MCHR1: variants seen among roughly 807,000 people sequenced by gnomAD.
MCHR1 encodes melanin concentrating hormone receptor 1.
In MCHR1, 13 loss-of-function variants were observed where a neutral mutation model predicts 20.4. The ratio of observed to expected loss-of-function variants is 0.64; its 90% CI spans 0.41 to 1.01. MCHR1 has a LOEUF of 1.01. Among genes scored for constraint, MCHR1 ranks in the 50% least tolerant of loss-of-function variants. The pLI is 0.00. For synonymous variants in MCHR1, 215 were observed against 204.4 expected, an observed-to-expected ratio of 1.05 and a Z score of -0.44; for missense variants, 472 against 477.0, an observed-to-expected ratio of 0.99 and a Z score of 0.10.
chr22:40,682,040 T>C lies in MCHR1; in HGVS notation c.*112T>C, dbSNP rs963914401. The C allele has an allele frequency of 3.6e-6, 5 of 1,377,648 alleles. No homozygotes were observed. The Admixed American group carries it at 7.7e-5, about 21-fold the overall frequency. 85.3% of individuals were successfully genotyped at this position (1,377,648 alleles called of 1,614,324 possible). A position where few individuals can be genotyped will look rare whatever the true frequency, so the allele number is the denominator to read the frequency against. ...CGGGAAATGCAGGAAGGCCGGGTTG[T>C]GAGGGGTTGTTGCAATGAAATAAAT... On this transcript the variant is annotated 3_prime_UTR_variant, in exon 2 of 2. Transcript: ENST00000249016.
Position 40,681,898 on chromosome 22 carries a change from C to G in MCHR1, c.1032C>G (p.Asp344Glu). 6.2e-7 allele frequency: 1 copy of G among 1,611,200 alleles called. No individual in the cohort carries two copies. The highest frequency in any genetic ancestry group is 8.5e-7 in the Non-Finnish European group (1 of 1,180,022). The part of the protein sequence containing the change: ...LRAVSNAQTA[D>E]EERTESKGT ...CTGTCAGCAACGCTCAGACGGCTGA[C>G]GAGGAGAGGACAGAAAGCAAAGGCA... The change falls in exon 2 of 2, where the codon GAC (aspartate) becomes GAG (glutamate). Residue 344 changes from aspartate to glutamate, a missense_variant. Physicochemically the swap from Asp to Glu is conservative, Grantham distance 45. Transcript: ENST00000249016. The surrounding 1 kb of genome is among the most constrained non-coding windows in gnomAD (Gnocchi z 4.3).
intron 1 of MCHR1, 54 bp downstream of exon 1, chr22:40,679,788 GT>G: frequency 2.5e-6 from 4 of 1,587,476 alleles, no homozygotes; most frequent in Non-Finnish European, 3.5e-6. Flanking sequence ...AAATGGGAAG[GT>G]TTCACCCCTG....
intron 1 of MCHR1, chr22:40,680,120 C>T: frequency 1.1e-5 from 4 of 349,854 alleles, no homozygotes; most frequent in South Asian, 9.9e-5. Context: ...TTTTTACTCC[C>T]ACTTGGATGA....
rs1031747554 is a variant in MCHR1 at position 40,680,259 on chromosome 22, G to A, written c.82+525G>A. ...ACATTTCCAGAGCTGCGGTGCCCTG[G>A]GATTCCAGCTTTGAAGGAGAAAGGA... On this transcript the variant is annotated intron_variant, in intron 1 of 1. Coordinates refer to ENST00000249016, the MANE Select transcript of MCHR1 (RefSeq NM_005297.4). The A allele has an allele frequency of 2.6e-5, 5 of 189,938 alleles. No individual in the cohort carries two copies. The South Asian group carries it at 5.3e-4, about 20-fold the overall frequency. The allele number at this position is 189,938 out of a possible 1,614,324, so 11.8% of individuals were successfully genotyped here.
In MCHR1 at chr22:40,682,002, A is replaced by T. The variant is rs201764842; in HGVS notation, c.*74A>T. 13 of 1,581,464 alleles carry T rather than the reference A, an allele frequency of 8.2e-6. No individual in the cohort carries two copies. Among genetic ancestry groups the T allele is most frequent in the Non-Finnish European group, 1.1e-5 (13 of 1,167,958 alleles). On this transcript the variant is annotated 3_prime_UTR_variant, in exon 2 of 2. Transcript: ENST00000249016. ...GCCACCGGGAGAGATGCTGAGAAAA[A>T]CCCAAGACCGCTCGGGAAATGCAGG...
chr22:40,681,740 T>C lies in MCHR1; in HGVS notation c.874T>C (p.Leu292=), dbSNP rs114241821. ...ISRPTLTFVY[L]YNAAISLGYA... ...CCGCCCGACCCTCACCTTTGTCTACTTATACAATGCGGCCATCAGCTTGGG... is the reference window on the plus strand; with the variant it reads ...CCGCCCGACCCTCACCTTTGTCTACCTATACAATGCGGCCATCAGCTTGGG... The change falls in exon 2 of 2, where the codon TTA becomes CTA. Residue 292 remains leucine, a synonymous_variant. Coordinates refer to ENST00000249016, the MANE Select transcript of MCHR1 (RefSeq NM_005297.4). The surrounding 1 kb of genome is among the most constrained non-coding windows in gnomAD (Gnocchi z 4.3). 6.3e-4 allele frequency: 1,017 copies of C among 1,614,252 alleles called. 4 individuals carry two copies. In the African/African-American group the frequency reaches 0.012, roughly 19 times the overall value.
intron 1 of MCHR1, chr22:40,680,157 C>T (rs1479166829): frequency 7.3e-6 from 2 of 275,170 alleles, no homozygotes; most frequent in South Asian, 4.2e-5. Context: ...CTTACTGCCA[C>T]CTGGGAGAGG....
Position 40,679,803 on chromosome 22 carries a change from C to T in MCHR1, c.82+69C>T, listed in dbSNP as rs561992111. ...AAATGGGAAGGTTTCACCCCTGAGCCAAACTGCTTGGGAAACTTTATCACA... is the reference window on the plus strand; with the variant it reads ...AAATGGGAAGGTTTCACCCCTGAGCTAAACTGCTTGGGAAACTTTATCACA... On this transcript the variant is annotated intron_variant, in intron 1 of 1. Coordinates refer to ENST00000249016, the MANE Select transcript of MCHR1 (RefSeq NM_005297.4). The T allele has an allele frequency of 9.1e-6, 14 of 1,533,738 alleles. No individual in the cohort carries two copies. The East Asian group carries it at 3.2e-4, about 35-fold the overall frequency.
rs137903389 is a variant in MCHR1, at chr22:40,681,544, C to A, written c.678C>A (p.Ala226=). 1.2e-6 allele frequency: 2 copies of A among 1,612,866 alleles called. No homozygotes were observed. The highest frequency in any genetic ancestry group is 1.3e-5 in the African/African-American group (1 of 74,952). The change falls in exon 2 of 2, where the codon GCC becomes GCA. Residue 226 remains alanine, a synonymous_variant. Coordinates refer to ENST00000249016, the MANE Select transcript of MCHR1 (RefSeq NM_005297.4). This position sits in a 1 kb window ranked among gnomAD's most constrained non-coding sequence, Gnocchi z 4.3. ...AFALPFVVIT[A]AYVRILQRMT... ...CCCTGCCTTTTGTGGTCATCACAGCCGCATACGTGAGGATCCTGCAGCGCA... is the reference window on the plus strand; with the variant it reads ...CCCTGCCTTTTGTGGTCATCACAGCAGCATACGTGAGGATCCTGCAGCGCA...
Position 40,681,733 on chromosome 22 carries a change from TG to T in MCHR1, c.868del (p.Val290SerfsTer37). On this transcript the variant is annotated frameshift_variant, in exon 2 of 2. Coordinates refer to ENST00000249016, the MANE Select transcript of MCHR1 (RefSeq NM_005297.4). LOFTEE classifies it high-confidence loss of function. The surrounding 1 kb of genome is among the most constrained non-coding windows in gnomAD (Gnocchi z 4.3). ...LSISRPTLTF[V>X]YLYNAAISLG... ...CCATCAGCCGCCCGACCCTCACCTTTGTCTACTTATACAATGCGGCCATCAG... is the reference window on the plus strand; with the variant it reads ...CCATCAGCCGCCCGACCCTCACCTTTTCTACTTATACAATGCGGCCATCAG... 1 of 1,614,260 alleles carries T rather than the reference TG, an allele frequency of 6.2e-7. No homozygotes were observed. Among genetic ancestry groups the T allele is most frequent in the South Asian group, 1.1e-5 (1 of 91,084 alleles).
rs200222615 is a variant in MCHR1, at chr22:40,681,271, C to T, written c.405C>T (p.Thr135=). Residue 135 remains threonine (T), a synonymous_variant, in exon 2 of 2, where the codon ACC becomes ACT. Transcript: ENST00000249016. The surrounding 1 kb of genome is among the most constrained non-coding windows in gnomAD (Gnocchi z 4.3). ...NSQFTSTYIL[T]AMAIDRYLAT... ...AGTTCACCAGCACCTACATCCTGAC[C>T]GCCATGGCCATTGACCGCTACCTGG... is the stretch of plus-strand genomic sequence containing the variant. 39 of 1,614,024 alleles carry T rather than the reference C, an allele frequency of 2.4e-5. No individual in the cohort carries two copies. Among genetic ancestry groups the T allele is most frequent in the Middle Eastern group, 1.6e-4 (1 of 6,084 alleles).
rs2056883807 is a variant in MCHR1, at chr22:40,681,907, G to C, written c.1041G>C (p.Arg347Ser). Reference sequence around the variant, plus strand: ...ACGCTCAGACGGCTGACGAGGAGAGGACAGAAAGCAAAGGCACCTGATACT... The same window carrying C: ...ACGCTCAGACGGCTGACGAGGAGAGCACAGAAAGCAAAGGCACCTGATACT... ...VSNAQTADEE[R>S]TESKGT The change falls in exon 2 of 2, where the codon AGG (arginine) becomes AGC (serine). Residue 347 changes from arginine to serine, a missense_variant. Coordinates refer to ENST00000249016, the MANE Select transcript of MCHR1 (RefSeq NM_005297.4). The surrounding 1 kb of genome is among the most constrained non-coding windows in gnomAD (Gnocchi z 4.3). 1 of 1,609,492 alleles carries C rather than the reference G, an allele frequency of 6.2e-7. No homozygotes were observed. The highest frequency in any genetic ancestry group is 1.3e-5 in the African/African-American group (1 of 74,926).
In MCHR1 at chr22:40,681,846, A is replaced by C; in HGVS notation, c.980A>C (p.Lys327Thr). The change falls in exon 2 of 2, where the codon AAG (lysine) becomes ACG (threonine). Residue 327 changes from lysine (K) to threonine (T), a missense_variant. By Grantham distance (78) the Lys-to-Thr change is moderately conservative. Coordinates refer to ENST00000249016, the MANE Select transcript of MCHR1 (RefSeq NM_005297.4). This position sits in a 1 kb window ranked among gnomAD's most constrained non-coding sequence, Gnocchi z 4.3. ...CGCAAACGCTTGGTCCTGTCGGTGA[A>C]GCCTGCAGCCCAGGGGCAGCTTCGC... Reference protein sequence around the residue: ...TFRKRLVLSVKPAAQGQLRAV... With the variant: ...TFRKRLVLSVTPAAQGQLRAV... 6.2e-7 allele frequency: 1 copy of C among 1,614,088 alleles called. No homozygotes were observed. Among genetic ancestry groups the C allele is most frequent in the Non-Finnish European group, 8.5e-7 (1 of 1,180,052 alleles).
Position 40,681,883 on chromosome 22 carries a change from C to G in MCHR1, c.1017C>G (p.Asn339Lys). The G allele has an allele frequency of 6.2e-7, 1 of 1,612,838 alleles. No homozygotes were observed. Among genetic ancestry groups the G allele is most frequent in the South Asian group, 1.1e-5 (1 of 91,086 alleles). Reference sequence around the variant, plus strand: ...AGGGGCAGCTTCGCGCTGTCAGCAACGCTCAGACGGCTGACGAGGAGAGGA... The same window carrying G: ...AGGGGCAGCTTCGCGCTGTCAGCAAGGCTCAGACGGCTGACGAGGAGAGGA... ...AAQGQLRAVS[N>K]AQTADEERTE... Residue 339 changes from asparagine to lysine, a missense_variant, in exon 2 of 2, where the codon AAC becomes AAG. Asn to Lys is a moderately conservative substitution (Grantham distance 94). Coordinates refer to ENST00000249016, the MANE Select transcript of MCHR1 (RefSeq NM_005297.4). The surrounding 1 kb of genome is among the most constrained non-coding windows in gnomAD (Gnocchi z 4.3).
Position 40,681,458 on chromosome 22 carries a change from C to T in MCHR1, c.592C>T (p.Leu198=). 1.2e-6 allele frequency: 2 copies of T among 1,613,366 alleles called. No individual in the cohort carries two copies. The highest frequency in any genetic ancestry group is 8.5e-7 in the Non-Finnish European group (1 of 1,180,052). ...PGGAVGCGIR[L]PNPDTDLYWF... is the part of the protein sequence containing the mutation. ...AGGTGCAGTGGGCTGCGGCATACGC[C>T]TGCCCAACCCAGACACTGACCTCTA... is the stretch of plus-strand genomic sequence containing the variant. Residue 198 remains leucine (L), a synonymous_variant, in exon 2 of 2, where the codon CTG becomes TTG. Transcript: ENST00000249016. This position sits in a 1 kb window ranked among gnomAD's most constrained non-coding sequence, Gnocchi z 4.3.
chr22:40,681,133 TCTC>T lies in MCHR1; in HGVS notation c.271_273del (p.Leu91del). 1.9e-6 allele frequency: 3 copies of T among 1,613,694 alleles called. No individual in the cohort carries two copies. Among genetic ancestry groups the T allele is most frequent in the Non-Finnish European group, 2.5e-6 (3 of 1,179,874 alleles). On this transcript the variant is annotated inframe_deletion, in exon 2 of 2. Transcript: ENST00000249016. This position sits in a 1 kb window ranked among gnomAD's most constrained non-coding sequence, Gnocchi z 4.3. ...TCATCATCAACCTCTCGGTAGTAGA[TCTC>T]CTCTTTCTCCTGGGCATGCCCTTCA...
chr22:40,681,518 G>A lies in MCHR1; in HGVS notation c.652G>A (p.Ala218Thr). 3 of 1,612,360 alleles carry A rather than the reference G, an allele frequency of 1.9e-6. No homozygotes were observed. Among genetic ancestry groups the A allele is most frequent in the Non-Finnish European group, 2.5e-6 (3 of 1,180,042 alleles). The change falls in exon 2 of 2, where the codon GCC (alanine) becomes ACC (threonine). Residue 218 changes from alanine (A) to threonine (T), a missense_variant. Transcript: ENST00000249016. The surrounding 1 kb of genome is among the most constrained non-coding windows in gnomAD (Gnocchi z 4.3). ...CCTGTACCAGTTTTTCCTGGCCTTT[G>A]CCCTGCCTTTTGTGGTCATCACAGC... ...FTLYQFFLAFALPFVVITAAY... is the reference protein window; with the variant it reads ...FTLYQFFLAFTLPFVVITAAY...
At position 40,679,629 on chromosome 22, in the gene MCHR1, G is replaced by A; in HGVS notation, c.-24G>A. ...GGAGGGGAGCTCAGCTCGGTTGTGG[G>A]AGCAGGCGACCGGCACTGGCTGGAT... On this transcript the variant is annotated 5_prime_UTR_variant, in exon 1 of 2. Coordinates refer to ENST00000249016, the MANE Select transcript of MCHR1 (RefSeq NM_005297.4). 2 of 1,613,984 alleles carry A rather than the reference G, an allele frequency of 1.2e-6. No homozygotes were observed. The highest frequency in any genetic ancestry group is 1.7e-6 in the Non-Finnish European group (2 of 1,179,896).
Position 40,681,862 on chromosome 22 carries a change from G to C in MCHR1, c.996G>C (p.Gly332=). ...LVLSVKPAAQ[G]QLRAVSNAQT... ...TGTCGGTGAAGCCTGCAGCCCAGGG[G>C]CAGCTTCGCGCTGTCAGCAACGCTC... Residue 332 remains glycine, a synonymous_variant, in exon 2 of 2, where the codon GGG becomes GGC. Transcript: ENST00000249016. The surrounding 1 kb of genome is among the most constrained non-coding windows in gnomAD (Gnocchi z 4.3). 2 of 1,613,728 alleles carry C rather than the reference G, an allele frequency of 1.2e-6. No homozygotes were observed. The highest frequency in any genetic ancestry group is 1.7e-6 in the Non-Finnish European group (2 of 1,180,034).
Sources: allele counts gnomAD v4.1 joint callset, GRCh38; gene constraint gnomAD v4.1.1; non-coding constraint Gnocchi (gnomAD v3.1); transcripts MANE v1.5; gene names NCBI Gene and HGNC (gene_info 2026-07-23, HGNC 2026-07-21).